The following RBFOX1 variants were observed in gnomAD, a reference collection of about 807,000 sequenced individuals.
RBFOX1 encodes the protein RNA binding fox-1 homolog 1.
In RBFOX1, 8 loss-of-function variants were observed where a neutral mutation model predicts 57.7. The ratio of observed to expected loss-of-function variants is 0.14; its 90% CI spans 0.08 to 0.25. RBFOX1 has a LOEUF of 0.25. Ranked by LOEUF, RBFOX1 falls within the 10% of genes least tolerant of loss-of-function variation. The pLI is 1.00. For synonymous variants in RBFOX1, 326 were observed against 222.4 expected (o/e 1.47, Z -4.15); for missense variants, 611 against 548.5 (o/e 1.11, Z -1.14).
At chr16:5,338,009 A>G (rs1174949542) in intron 1 of RBFOX1, among the ~76,000 whole-genome samples, 1 of 152,194 alleles carries the variant, frequency 6.6e-6, no homozygotes, top group African/African-American at 2.4e-5. Context: ...GCACCATTGC[A>G]CTGCAGCCTG....
intron 1 of RBFOX1, among the ~76,000 whole-genome samples, chr16:5,348,656 A>G (rs1478531429): frequency 2.0e-5 from 3 of 152,220 alleles, no homozygotes; most frequent in Admixed American, 1.3e-4. Context: ...GTGAATTTAT[A>G]TAAATAGTAG....
At chr16:6,234,622 C>G (rs796564595) in intron 1 of RBFOX1, among the ~76,000 whole-genome samples, 1 of 152,082 alleles carries the variant, frequency 6.6e-6, no homozygotes, top group Non-Finnish European at 1.5e-5. Context: ...TAATGACTCT[C>G]AGGTTTTTAT....
chr16:6,939,135 G>C (rs147888390), intron 3 of RBFOX1, among the ~76,000 whole-genome samples: 2 of 152,052 alleles, frequency 1.3e-5, no homozygotes, highest in African/African-American at 4.8e-5. Context: ...ACCTGCCAAG[G>C]TCACACCACT....
rs1026291100 is a variant in RBFOX1 at position 6,879,613 on chromosome 16, A to G, written c.-15-172444A>G. 2.0e-5 allele frequency among the ~76,000 whole-genome samples: 3 copies of G among 152,324 alleles called. No individual in the cohort carries two copies. The South Asian group carries it at 6.2e-4, about 32-fold the overall frequency. On this transcript the variant is annotated intron_variant, in intron 3 of 15. Transcript: ENST00000550418. ...AAGCCAGTATCATCCACTAAACATC[A>G]ATATGTCATGCGATGTTTTAGGAGC...
intron 4 of RBFOX1, among the ~76,000 whole-genome samples, chr16:7,325,623 T>C (rs1343852480): frequency 1.3e-5 from 2 of 152,176 alleles, no homozygotes; most frequent in African/African-American, 4.8e-5. Context: ...AGATTAGTCC[T>C]CCACTGAGAT....
chr16:6,901,558 T>G (rs1596617608), intron 3 of RBFOX1, among the ~76,000 whole-genome samples: 1 of 152,186 alleles, frequency 6.6e-6, no homozygotes, highest in South Asian at 2.1e-4. Context: ...TTTGTTTATG[T>G]AGTGGAATGT....
At chr16:6,373,510 G>A (rs1467824618) in intron 2 of RBFOX1, among the ~76,000 whole-genome samples, 2 of 151,602 alleles carry the variant, frequency 1.3e-5, no homozygotes, top group Non-Finnish European at 2.9e-5. Flanking sequence ...CAGTGGAAAT[G>A]TATAGTTGGA....
chr16:7,493,231 A>G (rs1407612297), intron 4 of RBFOX1, among the ~76,000 whole-genome samples: 1 of 151,670 alleles, frequency 6.6e-6, no homozygotes, highest in Non-Finnish European at 1.5e-5. Flanking sequence ...TCAAGAACAG[A>G]CTAACACACT....
intron 2 of RBFOX1, among the ~76,000 whole-genome samples, chr16:6,346,612 C>T (rs1358699029): frequency 6.6e-6 from 1 of 152,194 alleles, no homozygotes; most frequent in Non-Finnish European, 1.5e-5. Context: ...CTTCTGGTTC[C>T]GATGGCAGCC....
intron 5 of RBFOX1, among the ~76,000 whole-genome samples, chr16:7,553,576 A>C (rs2087291736): frequency 6.6e-6 from 1 of 152,224 alleles, no homozygotes; most frequent in Admixed American, 6.5e-5. Context: ...AGGGGGATAC[A>C]TATGGCAAAA....
At chr16:7,206,490 C>T (rs1041054907) in intron 4 of RBFOX1, among the ~76,000 whole-genome samples, 9 of 150,550 alleles carry the variant, frequency 6.0e-5, no homozygotes, top group Non-Finnish European at 1.2e-4. Context: ...TATATATGCA[C>T]ACACACACAC....
chr16:7,281,421 C>T (rs1375127875), intron 4 of RBFOX1, among the ~76,000 whole-genome samples: 1 of 151,974 alleles, frequency 6.6e-6, no homozygotes, highest in Non-Finnish European at 1.5e-5. Flanking sequence ...AAACACTTGC[C>T]TGCTTTGTAC....
intron 3 of RBFOX1, among the ~76,000 whole-genome samples, chr16:5,796,107 T>C (rs1285899331): frequency 6.6e-6 from 1 of 152,138 alleles, no homozygotes; most frequent in East Asian, 1.9e-4. Context: ...TGTGAAGGCA[T>C]GGTTGAATTT....
chr16:6,815,248 C>G (rs1156382291), intron 3 of RBFOX1, among the ~76,000 whole-genome samples: 1 of 152,068 alleles, frequency 6.6e-6, no homozygotes, highest in Non-Finnish European at 1.5e-5. Flanking sequence ...CTCTCATTGC[C>G]ATCTTGGTTT....
chr16:5,488,273 A>G (rs2042702001), intron 2 of RBFOX1, among the ~76,000 whole-genome samples: 1 of 53,980 alleles, frequency 1.9e-5, no homozygotes, highest in African/African-American at 5.5e-5. Context: ...GATGATGGTG[A>G]TGGTGGTGGT....
intron 2 of RBFOX1, among the ~76,000 whole-genome samples, chr16:5,547,400 C>T (rs1357355413): frequency 6.6e-6 from 1 of 152,154 alleles, no homozygotes; most frequent in African/African-American, 2.4e-5. Flanking sequence ...GTGGCACATG[C>T]ATATAATGGA....
At chr16:7,698,479 G>A (rs1352314168) in intron 14 of RBFOX1, among the ~76,000 whole-genome samples, 2 of 152,010 alleles carry the variant, frequency 1.3e-5, no homozygotes, top group Middle Eastern at 3.2e-3. Context: ...AAGTTCAGGG[G>A]TACAAGGAGG....
chr16:6,742,342 C>A (rs997926967), intron 3 of RBFOX1, among the ~76,000 whole-genome samples: 20 of 152,234 alleles, frequency 1.3e-4, no homozygotes, highest in Admixed American at 6.5e-4. Flanking sequence ...CAAATATTTA[C>A]AAGGACGCAT....
At chr16:5,416,835 G>T (rs1346836415) in intron 1 of RBFOX1, among the ~76,000 whole-genome samples, 1 of 152,144 alleles carries the variant, frequency 6.6e-6, no homozygotes, top group Admixed American at 6.5e-5. Context: ...TCTACATTCA[G>T]TAAGAGGAGG....
Sources: allele counts gnomAD v4.1 joint callset (sites outside exome capture counted in the v4.1 genomes callset), GRCh38; gene constraint gnomAD v4.1.1; transcripts MANE v1.5; gene names NCBI Gene and HGNC (gene_info 2026-07-23, HGNC 2026-07-21).